The following TRAPPC9 variants were observed in gnomAD, a reference collection of about 807,000 sequenced individuals.
TRAPPC9 encodes trafficking protein particle complex subunit 9, also known as IKK2 binding protein.
A neutral mutation model predicts 124.0 loss-of-function variants in TRAPPC9; 83 were observed. The ratio of observed to expected loss-of-function variants is 0.67; its 90% CI spans 0.56 to 0.80. TRAPPC9 has a LOEUF of 0.80. Ranked by LOEUF, TRAPPC9 falls within the 30% of genes least tolerant of loss-of-function variation. TRAPPC9 has a pLI of 0.00. For synonymous variants in TRAPPC9, 638 were observed against 617.5 expected (o/e 1.03, Z -0.49); for missense variants, 1,302 against 1,508.3 (o/e 0.86, Z 2.27).
At chr8:139,875,997 A>C (rs1441246382) in intron 21 of TRAPPC9, among the ~76,000 whole-genome samples, 1 of 152,234 alleles carries the variant, frequency 6.6e-6, no homozygotes, top group Non-Finnish European at 1.5e-5. Flanking sequence ...CGGCTGTCCT[A>C]CTGTCCGGCT....
At chr8:140,351,877 TGA>T (rs1241857715) in intron 9 of TRAPPC9, among the ~76,000 whole-genome samples, 1 of 152,190 alleles carries the variant, frequency 6.6e-6, no homozygotes, top group Non-Finnish European at 1.5e-5. Flanking sequence ...ACAGCTTTGT[TGA>T]GATATAATTC....
intron 21 of TRAPPC9, among the ~76,000 whole-genome samples, chr8:139,827,179 G>A (rs538061367): frequency 2.0e-5 from 3 of 152,338 alleles, no homozygotes; most frequent in East Asian, 1.9e-4. Flanking sequence ...CCCGGGAAGC[G>A]CCTACAGCAG....
At chr8:140,385,902 A>G (rs1049788029) in intron 7 of TRAPPC9, among the ~76,000 whole-genome samples, 17 of 152,196 alleles carry the variant, frequency 1.1e-4, no homozygotes, top group African/African-American at 3.1e-4. Flanking sequence ...GATGAACATC[A>G]ATGCAAAAAT....
chr8:140,162,813 C>T (rs1356172414), intron 17 of TRAPPC9, among the ~76,000 whole-genome samples: 1 of 152,102 alleles, frequency 6.6e-6, no homozygotes, highest in Admixed American at 6.5e-5. Context: ...TAGGCTAAGA[C>T]CTCATCTCTA....
intron 21 of TRAPPC9, among the ~76,000 whole-genome samples, chr8:139,768,235 A>G (rs938277406): frequency 6.3e-4 from 96 of 152,378 alleles, no homozygotes; most frequent in African/African-American, 2.2e-3. Context: ...ATTAAGTAAA[A>G]GCATAGAAGA....
chr8:139,731,946 G>A (rs955882822), intron 22 of TRAPPC9, 33 bp downstream of exon 22: 16 of 1,546,930 alleles, frequency 1.0e-5, no homozygotes, highest in Non-Finnish European at 1.3e-5. Flanking sequence ...CATGGCCAGA[G>A]GCTCCCAGAC....
chr8:140,125,301 G>T (rs752454822), intron 17 of TRAPPC9, among the ~76,000 whole-genome samples: 8 of 152,202 alleles, frequency 5.3e-5, no homozygotes, highest in Admixed American at 2.0e-4. Context: ...TGGAAATAGG[G>T]GAGGCACCGA....
In TRAPPC9 at chr8:140,242,136, C is replaced by CAG. The variant is rs36214777; in HGVS notation, c.2431+10639_2431+10640dup. On this transcript the variant is annotated intron_variant, in intron 16 of 22. Coordinates refer to ENST00000438773, the MANE Select transcript of TRAPPC9 (RefSeq NM_001160372.4). ...GGGCCCAGCAACACGAAGAGGCAGA[C>CAG]AGAGAGAGAGAGAGAGAGAGAGAGA... Among the ~76,000 whole-genome samples the CAG allele has an allele frequency of 9.9e-3, 1,448 of 146,224 alleles. 25 individuals are homozygous for CAG. Among genetic ancestry groups the CAG allele is most frequent in the African/African-American group, 0.029 (1,138 of 39,274 alleles).
chr8:140,188,376 T>C (rs982603657), intron 17 of TRAPPC9, among the ~76,000 whole-genome samples: 3 of 152,266 alleles, frequency 2.0e-5, no homozygotes, highest in Non-Finnish European at 4.4e-5. Flanking sequence ...ATCCTCTGAC[T>C]GCTGCCCTAA....
At chr8:139,782,224 A>C (rs1038720584) in intron 21 of TRAPPC9, among the ~76,000 whole-genome samples, 2 of 152,082 alleles carry the variant, frequency 1.3e-5, no homozygotes, top group Admixed American at 1.3e-4. Context: ...TACTAAAAAT[A>C]TAAAAATTAG....
chr8:139,824,213 C>T (rs1043401667), intron 21 of TRAPPC9, among the ~76,000 whole-genome samples: 2 of 152,192 alleles, frequency 1.3e-5, no homozygotes, highest in Non-Finnish European at 1.5e-5. Flanking sequence ...TAGCCCTGAG[C>T]GGTGTGTGTA....
At chr8:140,450,706 T>C in intron 2 of TRAPPC9, 84 bp downstream of exon 2, 1 of 1,064,150 alleles carries the variant, frequency 9.4e-7, no homozygotes, top group Non-Finnish European at 1.4e-6. Flanking sequence ...ACCTTTCTAC[T>C]CCTTGCTGCA....
At chr8:140,325,573 T>C (rs372713148) in intron 9 of TRAPPC9, among the ~76,000 whole-genome samples, 4 of 152,132 alleles carry the variant, frequency 2.6e-5, no homozygotes, top group Admixed American at 1.3e-4. Flanking sequence ...CAAGAAAAAA[T>C]TGACAATCTT....
chr8:139,911,903 G>A (rs899171276), intron 19 of TRAPPC9, among the ~76,000 whole-genome samples: 8 of 152,180 alleles, frequency 5.3e-5, no homozygotes, highest in Non-Finnish European at 1.0e-4. Flanking sequence ...GACAGCTTGG[G>A]AAAGAACTAC....
At chr8:139,949,715 G>T (rs1010405979) in intron 19 of TRAPPC9, among the ~76,000 whole-genome samples, 1 of 151,900 alleles carries the variant, frequency 6.6e-6, no homozygotes, top group African/African-American at 2.4e-5. Context: ...ACCAAAAGTA[G>T]ATCAATGGTT....
upstream of TRAPPC9, chr8:140,458,302 T>C: frequency 1.3e-6 from 2 of 1,562,592 alleles, no homozygotes; most frequent in Non-Finnish European, 1.7e-6. Flanking sequence ...GGCGCGCAGC[T>C]CAAATTTCAC....
chr8:140,074,281 G>C (rs1225256390), intron 17 of TRAPPC9, among the ~76,000 whole-genome samples: 2 of 152,058 alleles, frequency 1.3e-5, no homozygotes, highest in African/African-American at 4.8e-5. Context: ...GCGGGCCCTG[G>C]GACACAGCAT....
intron 21 of TRAPPC9, among the ~76,000 whole-genome samples, chr8:139,857,377 C>T (rs185874976): frequency 6.6e-6 from 1 of 152,196 alleles, no homozygotes; most frequent in Non-Finnish European, 1.5e-5. Flanking sequence ...TGCTCGCTGA[C>T]AATCTGAGTG....
At chr8:139,838,915 A>T (rs1428612527) in intron 21 of TRAPPC9, among the ~76,000 whole-genome samples, 1 of 152,132 alleles carries the variant, frequency 6.6e-6, no homozygotes, top group African/African-American at 2.4e-5. Context: ...AGTGTAGCTG[A>T]GGATCCAGGT....
Sources: gnomAD v4.1 joint callset for allele counts (sites outside exome capture counted in the v4.1 genomes callset) on GRCh38, gnomAD v4.1.1 for gene constraint, MANE v1.5 for transcripts, NCBI Gene and HGNC (gene_info 2026-07-23, HGNC 2026-07-21) for gene names.